Variants in NAALADL2 observed in about 807,000 individuals in gnomAD.
NAALADL2 encodes the protein N-acetylated alpha-linked acidic dipeptidase like 2.
In NAALADL2, 76 loss-of-function variants were observed where a neutral mutation model predicts 87.2. The ratio of observed to expected loss-of-function variants is 0.87; its 90% confidence interval spans 0.72 to 1.05. The LOEUF (loss-of-function observed/expected upper bound fraction) is 1.05, where lower values mean the gene tolerates loss of function less well. Among genes scored for constraint, NAALADL2 ranks in the 50% least tolerant of loss-of-function variants. The pLI is 0.00. For synonymous variants in NAALADL2, 354 were observed against 331.0 expected (o/e 1.07, Z -0.75); for missense variants, 1,089 against 945.8 (o/e 1.15, Z -1.99).
chr3:175,013,184 ATAAATATATATACAT>A, intron 1 of NAALADL2, among the ~76,000 whole-genome samples: 1 of 93,710 alleles, frequency 1.1e-5, no homozygotes, highest in Admixed American at 1.2e-4. Flanking sequence ...ATATTTATAT[ATAAATATATATACAT>A]AAATATATAA....
intron 1 of NAALADL2, among the ~76,000 whole-genome samples, chr3:174,955,702 C>T (rs1250044473): frequency 1.3e-5 from 2 of 152,032 alleles, no homozygotes; most frequent in Non-Finnish European, 2.9e-5. Context: ...AGATTGCCCC[C>T]ATAGGTAATA....
intron 2 of NAALADL2, among the ~76,000 whole-genome samples, chr3:174,618,970 G>A (rs576894): frequency 0.63 from 95,471 of 151,712 alleles, 31,451 homozygotes; most frequent in East Asian, 0.87. Flanking sequence ...TTCAATGGTT[G>A]TGACAGAAAG....
intron 1 of NAALADL2, among the ~76,000 whole-genome samples, chr3:174,482,032 C>T (rs1717585782): frequency 6.6e-6 from 1 of 151,990 alleles, no homozygotes; most frequent in African/African-American, 2.4e-5. Flanking sequence ...GATCTGTGTT[C>T]CTAGATACCA....
chr3:174,498,703 C>T (rs113173956), intron 1 of NAALADL2, among the ~76,000 whole-genome samples: 1,956 of 151,600 alleles, frequency 0.013, 37 homozygotes, highest in African/African-American at 0.046. Context: ...ATTTACATCC[C>T]GGTCTGCAGT....
intron 5 of NAALADL2, among the ~76,000 whole-genome samples, chr3:175,351,246 A>G (rs1421880509): frequency 6.6e-6 from 1 of 152,130 alleles, no homozygotes; most frequent in Non-Finnish European, 1.5e-5. Flanking sequence ...ATTTTTAAAA[A>G]AATAGCTGTG....
Position 175,570,474 on chromosome 3 carries a change from G to C in NAALADL2, c.1654-5567G>C, listed in dbSNP as rs76271571. On this transcript the variant is annotated intron_variant, in intron 9 of 13. Transcript: ENST00000454872. ...AGAAATCATTTTTTTAACATCATTG[G>C]TGTCATTGTAATAATTGGTACTTTA... Among the ~76,000 whole-genome samples, 530 of 152,182 alleles carry C rather than the reference G, an allele frequency of 3.5e-3. 15 individuals carry two copies. In the East Asian group the frequency reaches 0.06, roughly 17 times the overall value.
At chr3:175,633,535 G>A (rs1451961077) in intron 11 of NAALADL2, among the ~76,000 whole-genome samples, 1 of 151,744 alleles carries the variant, frequency 6.6e-6, no homozygotes, top group Non-Finnish European at 1.5e-5. Context: ...TTATATTATG[G>A]GATAGGTAGT....
chr3:175,617,974 A>G lies in NAALADL2; in HGVS notation c.1801-9317A>G, dbSNP rs114564698. On this transcript the variant is annotated intron_variant, in intron 10 of 13. Coordinates refer to ENST00000454872, the MANE Select transcript of NAALADL2 (RefSeq NM_207015.3). ...TCGGGGTCCCATGTAGGGTCCTCCA[A>G]TGGTACTGCTGTTCTTCCAATTGGA... Among the ~76,000 whole-genome samples the G allele has an allele frequency of 4.7e-3, 714 of 152,198 alleles. 4 individuals are homozygous for G. Among genetic ancestry groups the G allele is most frequent in the African/African-American group, 0.016 (665 of 41,528 alleles).
At chr3:175,157,263 A>G (rs1168154633) in intron 2 of NAALADL2, among the ~76,000 whole-genome samples, 1 of 152,166 alleles carries the variant, frequency 6.6e-6, no homozygotes, top group African/African-American at 2.4e-5. Flanking sequence ...TACAGCATGA[A>G]CTGCAGAAGG....
chr3:175,546,170 T>C (rs1713277400), intron 9 of NAALADL2, among the ~76,000 whole-genome samples: 1 of 152,164 alleles, frequency 6.6e-6, no homozygotes, highest in South Asian at 2.1e-4. Flanking sequence ...TTTTGATCTT[T>C]GTTGGTTTAA....
intron 1 of NAALADL2, among the ~76,000 whole-genome samples, chr3:174,517,876 A>G (rs1009113311): frequency 3.9e-5 from 6 of 152,108 alleles, no homozygotes; most frequent in Admixed American, 3.9e-4. Flanking sequence ...ATTTTAAATG[A>G]CAGAATGTCA....
At chr3:175,327,987 G>A (rs564246257) in intron 5 of NAALADL2, among the ~76,000 whole-genome samples, 4 of 152,294 alleles carry the variant, frequency 2.6e-5, no homozygotes, top group South Asian at 4.1e-4. Context: ...GAATCTTTGC[G>A]GAATTATTAC....
intron 2 of NAALADL2, among the ~76,000 whole-genome samples, chr3:174,572,273 T>G (rs764866291): frequency 1.6e-4 from 25 of 152,240 alleles, no homozygotes; most frequent in Non-Finnish European, 3.5e-4. Flanking sequence ...AGGAGGTGCA[T>G]GCTGCCACAC....
At chr3:175,084,661 G>A (rs1234209082) in intron 1 of NAALADL2, among the ~76,000 whole-genome samples, 1 of 152,130 alleles carries the variant, frequency 6.6e-6, no homozygotes, top group Non-Finnish European at 1.5e-5. Flanking sequence ...TAAATGTGAG[G>A]AGATTATTGA....
chr3:175,665,731 G>A (rs1034034767), intron 11 of NAALADL2, among the ~76,000 whole-genome samples: 1 of 152,114 alleles, frequency 6.6e-6, no homozygotes, highest in Non-Finnish European at 1.5e-5. Flanking sequence ...AAGAGATTGA[G>A]ACCATCCTGG....
intron 5 of NAALADL2, among the ~76,000 whole-genome samples, chr3:175,328,755 G>A (rs928325463): frequency 2.0e-5 from 3 of 152,140 alleles, no homozygotes; most frequent in African/African-American, 7.2e-5. Flanking sequence ...ACCAGTGATA[G>A]GTTGTAGTTG....
At chr3:175,465,108 C>T (rs935995333) in intron 7 of NAALADL2, among the ~76,000 whole-genome samples, 57 of 151,878 alleles carry the variant, frequency 3.8e-4, no homozygotes, top group African/African-American at 1.3e-3. Context: ...TTTAATTAGC[C>T]GGGCATGGTG....
chr3:175,182,452 A>G (rs1183752789), intron 2 of NAALADL2, among the ~76,000 whole-genome samples: 1 of 149,960 alleles, frequency 6.7e-6, no homozygotes, highest in Non-Finnish European at 1.5e-5. Context: ...CAGTGACATG[A>G]TTATAGCTCA....
intron 9 of NAALADL2, among the ~76,000 whole-genome samples, chr3:175,518,820 G>A (rs543276616): frequency 5.3e-5 from 8 of 152,152 alleles, no homozygotes; most frequent in Non-Finnish European, 7.3e-5. Flanking sequence ...TGCCACAGTG[G>A]GGATTAAGTT....
Sources: allele counts gnomAD v4.1 joint callset (sites outside exome capture counted in the v4.1 genomes callset), GRCh38; gene constraint gnomAD v4.1.1; transcripts MANE v1.5; gene names NCBI Gene and HGNC (gene_info 2026-07-23, HGNC 2026-07-21).